The following HYKK variants were observed in gnomAD, a reference collection of about 807,000 sequenced individuals.
HYKK encodes the protein hydroxylysine kinase, also known as 5-hydroxy-L-lysine kinase.
HYKK carries 19 observed loss-of-function variants against 29.7 expected under a neutral mutation model. The ratio of observed to expected loss-of-function variants is 0.64; its 90% CI spans 0.45 to 0.94. HYKK has a LOEUF of 0.94. Among genes scored for constraint, HYKK ranks in the 40% least tolerant of loss-of-function variants. The pLI, the probability that HYKK is intolerant of heterozygous loss-of-function variation, is 0.00. For missense variants in HYKK, 390 were observed against 443.4 expected, an observed-to-expected ratio of 0.88 and a Z score of 1.08; for synonymous variants, 152 against 158.1, an observed-to-expected ratio of 0.96 and a Z score of 0.29.
intron 3 of HYKK, among the ~76,000 whole-genome samples, chr15:78,519,281 G>A (rs1384640546): frequency 6.6e-6 from 1 of 152,170 alleles, no homozygotes; most frequent in Admixed American, 6.5e-5. Flanking sequence ...GCTTCTGCAA[G>A]GGTTTGGGTG....
chr15:78,509,821 C>T (rs1294191858), intron 1 of HYKK, among the ~76,000 whole-genome samples: 1 of 152,230 alleles, frequency 6.6e-6, no homozygotes, highest in Admixed American at 6.5e-5. Flanking sequence ...ACAGTACCTT[C>T]AGTGAACAAA....
downstream of HYKK, chr15:78,537,364 G>A: frequency 1.6e-6 from 1 of 621,190 alleles, no homozygotes; most frequent in South Asian, 2.0e-5. Context: ...CTGTAAGAAT[G>A]AACACACCAC....
chr15:78,516,371 G>A (rs1258145889), intron 3 of HYKK, among the ~76,000 whole-genome samples: 1 of 145,594 alleles, frequency 6.9e-6, no homozygotes, highest in Non-Finnish European at 1.5e-5. Flanking sequence ...TTTGAGACAG[G>A]GTCTCACTCT....
intron 1 of HYKK, among the ~76,000 whole-genome samples, chr15:78,510,731 C>A (rs2052066339): frequency 6.6e-6 from 1 of 152,174 alleles, no homozygotes; most frequent in South Asian, 2.1e-4. Context: ...TAGCCAATTT[C>A]TCAGAAGCGC....
chr15:78,516,088 G>C (rs2052129824), intron 3 of HYKK, among the ~76,000 whole-genome samples: 1 of 151,992 alleles, frequency 6.6e-6, no homozygotes, highest in East Asian at 1.9e-4. Flanking sequence ...GTTGCAAATG[G>C]ATTAATAATG....
At chr15:78,515,737 CA>C (rs1389502030) in intron 3 of HYKK, among the ~76,000 whole-genome samples, 1 of 151,950 alleles carries the variant, frequency 6.6e-6, no homozygotes, top group Non-Finnish European at 1.5e-5. Context: ...TACAGGTGCC[CA>C]CCACCACGCC....
At position 78,533,670 on chromosome 15, in the gene HYKK, A is replaced by G. The variant is rs755777285; in HGVS notation, c.1122A>G (p.Ter374TrpextTer31). The change falls in exon 5 of 5, where the codon TGA becomes TGG. Residue 374 changes from the stop codon to tryptophan (W), a stop_lost. Transcript: ENST00000388988. ...CCTATGAATCTGGGATCTCCATGTG[A>G]CTGAGATCTCCATGTGACTCAAAGT... ...AKSYESGISM[*>W] 2 of 1,605,370 alleles carry G rather than the reference A, an allele frequency of 1.2e-6. No individual in the cohort carries two copies. The highest frequency in any genetic ancestry group is 1.7e-6 in the Non-Finnish European group (2 of 1,172,344).
chr15:78,530,496 T>G (rs1368085944), intron 4 of HYKK, among the ~76,000 whole-genome samples: 1 of 152,238 alleles, frequency 6.6e-6, no homozygotes, highest in Non-Finnish European at 1.5e-5. Context: ...GAACATACTT[T>G]ATATTAGTGC....
At chr15:78,524,058 C>G (rs1212483066) in intron 3 of HYKK, among the ~76,000 whole-genome samples, 1 of 152,226 alleles carries the variant, frequency 6.6e-6, no homozygotes, top group Admixed American at 6.5e-5. Flanking sequence ...GATGGTGGCC[C>G]TCTTCTCACA....
chr15:78,522,095 C>G (rs1434954565), intron 3 of HYKK, among the ~76,000 whole-genome samples: 1 of 151,622 alleles, frequency 6.6e-6, no homozygotes, highest in African/African-American at 2.4e-5. Context: ...TAGACATGAG[C>G]CATGACGCCC....
Position 78,509,588 on chromosome 15 carries a change from T to G in HYKK, c.-6+1917T>G, listed in dbSNP as rs1056570417. 2.0e-5 allele frequency among the ~76,000 whole-genome samples: 3 copies of G among 152,352 alleles called. No homozygotes were observed. In the East Asian group the frequency reaches 5.8e-4, roughly 29 times the overall value. On this transcript the variant is annotated intron_variant, in intron 1 of 4. Transcript: ENST00000388988. ...AAATTCAGAATTGTTCTGACATCGTTAACGCTTTGGGAGTTGAAAATGACT... is the reference window on the plus strand; with the variant it reads ...AAATTCAGAATTGTTCTGACATCGTGAACGCTTTGGGAGTTGAAAATGACT...
At chr15:78,522,160 CA>C (rs1328022681) in intron 3 of HYKK, among the ~76,000 whole-genome samples, 1 of 152,020 alleles carries the variant, frequency 6.6e-6, no homozygotes, top group Non-Finnish European at 1.5e-5. Flanking sequence ...GTTAAAATTT[CA>C]AACAGTACTG....
At chr15:78,522,759 A>T (rs1042452768) in intron 3 of HYKK, among the ~76,000 whole-genome samples, 1 of 152,038 alleles carries the variant, frequency 6.6e-6, no homozygotes, top group African/African-American at 2.4e-5. Flanking sequence ...CATGCCTGTA[A>T]TTTCAGCTAC....
chr15:78,533,147 A>C (rs1312235108), intron 4 of HYKK, 63 bp from the exon 5 acceptor site: 2 of 1,041,134 alleles, frequency 1.9e-6, no homozygotes, highest in African/African-American at 1.6e-5. Flanking sequence ...TATGAAAGAG[A>C]AATGGAAGGG....
At position 78,536,332 on chromosome 15, in the gene HYKK, T is replaced by G. The variant is rs867504249; in HGVS notation, c.*2662T>G. 3 of 132,592 alleles carry G rather than the reference T, an allele frequency of 2.3e-5. No homozygotes were observed. The highest frequency in any genetic ancestry group is 4.5e-4 in the East Asian group (2 of 4,408). 8.2% of individuals were successfully genotyped at this position (132,592 alleles called of 1,614,324 possible). A position where few individuals can be genotyped will look rare whatever the true frequency, so the allele number is the denominator to read the frequency against. On this transcript the variant is annotated 3_prime_UTR_variant, in exon 5 of 5. Transcript: ENST00000388988. ...ACACACACACACACACACACACACA[T>G]GCACACTCACTCACACACACTAGGA...
At chr15:78,532,763 C>T (rs12906284) in intron 4 of HYKK, among the ~76,000 whole-genome samples, 47,917 of 152,002 alleles carry the variant, frequency 0.32, 8,569 homozygotes, top group Non-Finnish European at 0.42. Flanking sequence ...CCACAGTACT[C>T]CAGCTGGGCA....
intron 1 of HYKK, among the ~76,000 whole-genome samples, chr15:78,512,394 CTTTTTCTTTTTTTTT>C (rs1175073974): frequency 2.1e-5 from 3 of 140,732 alleles, no homozygotes; most frequent in African/African-American, 7.9e-5. Flanking sequence ...TCTTTTTTTT[CTTTTTCTTTTTTTTT>C]TTTTTTTTTT....
At chr15:78,516,663 C>T (rs906643263) in intron 3 of HYKK, among the ~76,000 whole-genome samples, 1 of 152,054 alleles carries the variant, frequency 6.6e-6, no homozygotes, top group Non-Finnish European at 1.5e-5. Flanking sequence ...GGGGATTGGT[C>T]TTTGTATTAG....
chr15:78,524,475 G>A (rs1486291766), intron 3 of HYKK, among the ~76,000 whole-genome samples: 1 of 152,184 alleles, frequency 6.6e-6, no homozygotes, highest in Non-Finnish European at 1.5e-5. Flanking sequence ...TAACCCTCCA[G>A]GCCTGTGATG....
Sources: allele counts gnomAD v4.1 joint callset (sites outside exome capture counted in the v4.1 genomes callset), GRCh38; gene constraint gnomAD v4.1.1; transcripts MANE v1.5; gene names NCBI Gene and HGNC (gene_info 2026-07-23, HGNC 2026-07-21).